Variants in OBSL1 observed in about 807,000 individuals in gnomAD.
OBSL1 encodes the protein obscurin like cytoskeletal adaptor 1.
In OBSL1, 160 loss-of-function variants were observed where a neutral mutation model predicts 172.0. That is an observed-to-expected ratio of 0.93 (90% CI 0.82 to 1.06). The LOEUF is 1.06. Ranked by LOEUF, OBSL1 falls within the 50% of genes least tolerant of loss-of-function variation. OBSL1 has a pLI of 0.00. For synonymous variants in OBSL1, 1,200 were observed against 1,196.3 expected (o/e 1.00, Z -0.06); for missense variants, 2,681 against 2,715.4 (o/e 0.99, Z 0.28).
At position 219,552,573 on chromosome 2, in the gene OBSL1, C is replaced by T; in HGVS notation, c.5271G>A (p.Pro1757=). Residue 1757 remains proline, a synonymous_variant, in exon 18 of 21, where the codon CCG becomes CCA. Transcript: ENST00000404537. ...TGCGGACGCGGGCTCCGGGTCTCAGCGGGCGGCCTCCGAGCTCCCAGCGCC... is the reference window on the plus strand; with the variant it reads ...TGCGGACGCGGGCTCCGGGTCTCAGTGGGCGGCCTCCGAGCTCCCAGCGCC... The part of the protein sequence containing the change: ...TTGRWELGGR[P]LRPGARVRIR... 1 of 1,594,376 alleles carries T rather than the reference C, an allele frequency of 6.3e-7. No homozygotes were observed. The highest frequency in any genetic ancestry group is 8.5e-7 in the Non-Finnish European group (1 of 1,176,778).
rs550570421 is a variant in OBSL1 at position 219,552,351 on chromosome 2, G to A, written c.5309-135C>T. On this transcript the variant is annotated intron_variant, in intron 18 of 20. Transcript: ENST00000404537. Reference sequence around the variant, plus strand: ...GCTAGGGTGGGCGGAACAGGGATGCGGAGCGGGAAGCCTAGAGGTCCGGGA... The same window carrying A: ...GCTAGGGTGGGCGGAACAGGGATGCAGAGCGGGAAGCCTAGAGGTCCGGGA... 6 of 927,600 alleles carry A rather than the reference G, an allele frequency of 6.5e-6. 1 individual carries two copies. In the South Asian group the frequency reaches 9.8e-5, roughly 15 times the overall value. The allele number at this position is 927,600 out of a possible 1,614,324, so 57.5% of individuals were successfully genotyped here.
At chr2:219,549,293 A>AT (rs201375211), downstream of OBSL1, 1 of 1,613,370 alleles carries the variant, frequency 6.2e-7, no homozygotes, top group Non-Finnish European at 8.5e-7. Context: ...GGGCCACCAG[A>AT]CCCTGCTTAT....
In OBSL1 at chr2:219,562,617, A is replaced by G; in HGVS notation, c.2738T>C (p.Leu913Pro). The change falls in exon 8 of 21, where the codon CTG becomes CCG. Residue 913 changes from leucine to proline, a missense_variant. Leu to Pro is a moderately conservative substitution (Grantham distance 98). Around this residue, in one of 5 missense-constraint regions of OBSL1, gnomAD observed 1,765 missense variants for 1,748.3 expected, o/e 1.01. Transcript: ENST00000404537. Reference sequence around the variant, plus strand: ...CTCACAGGTCAGCACCACACGCTCCAGGCGCACGGCTGCCACATACACCTT... The same window carrying G: ...CTCACAGGTCAGCACCACACGCTCCGGGCGCACGGCTGCCACATACACCTT... Reference protein sequence around the residue: ...SGKVYVAAVRLERVVLTCELC... With the variant: ...SGKVYVAAVRPERVVLTCELC... The G allele has an allele frequency of 1.3e-6, 2 of 1,598,424 alleles. No individual in the cohort carries two copies. Among genetic ancestry groups the G allele is most frequent in the East Asian group, 2.3e-5 (1 of 44,060 alleles).
In OBSL1 at chr2:219,557,943, C is replaced by G. The variant is rs1412249802; in HGVS notation, c.3670G>C (p.Glu1224Gln). ...QEGEGLELHA[E>Q]GPRRVLCIQA... Reference sequence around the variant, plus strand: ...ATGCAGAGGACTCGGCGGGGGCCCTCGGCATGGAGCTCTAGGCCCTCGCCC... The same window carrying G: ...ATGCAGAGGACTCGGCGGGGGCCCTGGGCATGGAGCTCTAGGCCCTCGCCC... The change falls in exon 11 of 21, where the codon GAG becomes CAG. Residue 1224 changes from glutamate (E) to glutamine (Q), a missense_variant. By Grantham distance (29) the Glu-to-Gln change is conservative (BLOSUM62 2). Around this residue, in one of 5 missense-constraint regions of OBSL1, gnomAD observed 1,765 missense variants for 1,748.3 expected, o/e 1.01. Transcript: ENST00000404537. The G allele has an allele frequency of 3.1e-6, 5 of 1,605,470 alleles. No individual in the cohort carries two copies. The highest frequency in any genetic ancestry group is 2.7e-5 in the African/African-American group (2 of 74,996).
downstream of OBSL1, chr2:219,549,762 A>G (rs1383712491): frequency 1.9e-6 from 3 of 1,614,006 alleles, no homozygotes; most frequent in South Asian, 3.3e-5. Context: ...GAGCTCCCTG[A>G]GCTCCTTCAT....
rs974837836 is a variant in OBSL1 at position 219,552,618 on chromosome 2, C to A, written c.5226G>T (p.Val1742=). The change falls in exon 18 of 21, where the codon GTG becomes GTT. Residue 1742 remains valine, a synonymous_variant. Transcript: ENST00000404537. ...EGDGATFECT[V]SEVETTGRWE... is the part of the protein sequence containing the mutation. ...AGCGCCCCGTGGTCTCGACCTCCGA[C>A]ACGGTGCACTCGAACGTAGCGCCGT... 3.8e-6 allele frequency: 6 copies of A among 1,572,514 alleles called. No homozygotes were observed. Among genetic ancestry groups the A allele is most frequent in the African/African-American group, 1.3e-5 (1 of 74,348 alleles).
intron 12 of OBSL1, 34 bp downstream of exon 12, chr2:219,557,309 C>T: frequency 1.4e-6 from 2 of 1,438,554 alleles, no homozygotes; most frequent in Non-Finnish European, 9.1e-7. Flanking sequence ...CTTGGGGTGC[C>T]ACAGCCCACA....
rs1472477099 is a variant in OBSL1, at chr2:219,570,259, G to A, written c.974C>T (p.Ala325Val). The change falls in exon 1 of 21, where the codon GCG becomes GTG. Residue 325 changes from alanine (A) to valine (V), a missense_variant. By Grantham distance (64) the Ala-to-Val change is moderately conservative (BLOSUM62 0). Around this residue, in one of 5 missense-constraint regions of OBSL1, gnomAD observed 706 missense variants for 695.8 expected, o/e 1.01. Transcript: ENST00000404537. ...GLYVCAARNSAGQTLSAVQLH... is the reference protein window; with the variant it reads ...GLYVCAARNSVGQTLSAVQLH... ...CTGCACGGCACTGAGCGTCTGGCCC[G>A]CCGAGTTGCGCGCGGCGCAGACGTA... is the stretch of plus-strand genomic sequence containing the variant. 2.5e-6 allele frequency: 4 copies of A among 1,591,666 alleles called. No individual in the cohort carries two copies. The highest frequency in any genetic ancestry group is 1.3e-5 in the African/African-American group (1 of 74,468).
chr2:219,563,713 G>A, intron 6 of OBSL1, 86 bp from the exon 7 acceptor site: 1 of 1,443,026 alleles, frequency 6.9e-7, no homozygotes, highest in South Asian at 1.3e-5. Context: ...CACTGTTTCT[G>A]CACAAGAGGA....
intron 1 of OBSL1, among the ~76,000 whole-genome samples, 165 bp downstream of exon 1, chr2:219,570,056 C>T (rs1330846030): frequency 1.3e-5 from 2 of 152,172 alleles, no homozygotes; most frequent in African/African-American, 2.4e-5. Flanking sequence ...CTACTAAATC[C>T]GAATCCCTGG....
chr2:219,563,595 G>A lies in OBSL1; in HGVS notation c.2440C>T (p.His814Tyr). 1 of 1,613,604 alleles carries A rather than the reference G, an allele frequency of 6.2e-7. No individual in the cohort carries two copies. The highest frequency in any genetic ancestry group is 8.5e-7 in the Non-Finnish European group (1 of 1,179,734). ...PPVHIVDPRE[H>Y]VFVHAITSEC... ...GAAGTTATGGCATGCACGAACACAT[G>A]TTCTCGGGGGTCCACGATGTGCACG... The change falls in exon 7 of 21, where the codon CAT becomes TAT. Residue 814 changes from histidine (H) to tyrosine (Y), a missense_variant. His to Tyr is a moderately conservative substitution (Grantham distance 83). Coordinates refer to ENST00000404537, the MANE Select transcript of OBSL1 (RefSeq NM_015311.3).
chr2:219,548,095 G>A, downstream of OBSL1: 2 of 1,519,272 alleles, frequency 1.3e-6, no homozygotes, highest in Non-Finnish European at 1.8e-6. Flanking sequence ...AGGGGGCACA[G>A]GCCAAGGTGG....
chr2:219,554,341 AG>A, intron 15 of OBSL1, 132 bp downstream of exon 15: 1 of 1,083,452 alleles, frequency 9.2e-7, no homozygotes, highest in South Asian at 1.4e-5. Flanking sequence ...ACACTCTGGC[AG>A]GGATGTCAAT....
rs764007374 is a variant in OBSL1, at chr2:219,570,269, G to C, written c.964C>G (p.Arg322Gly). 12 of 1,599,556 alleles carry C rather than the reference G, an allele frequency of 7.5e-6. No homozygotes were observed. Among genetic ancestry groups the C allele is most frequent in the South Asian group, 5.6e-5 (5 of 89,902 alleles). Residue 322 changes from arginine to glycine, a missense_variant, in exon 1 of 21, where the codon CGC becomes GGC. Around this residue, in one of 5 missense-constraint regions of OBSL1, gnomAD observed 706 missense variants for 695.8 expected, o/e 1.01. Transcript: ENST00000404537. The part of the protein sequence containing the change: ...KDRGLYVCAA[R>G]NSAGQTLSAV... ...CTGAGCGTCTGGCCCGCCGAGTTGC[G>C]CGCGGCGCAGACGTAGAGCCCACGA... is the stretch of plus-strand genomic sequence containing the variant.
intron 8 of OBSL1, among the ~76,000 whole-genome samples, chr2:219,560,132 G>A (rs985709212): frequency 6.6e-6 from 1 of 152,150 alleles, no homozygotes; most frequent in Non-Finnish European, 1.5e-5. Flanking sequence ...TAACTCTCAC[G>A]GCAATCCTAA....
downstream of OBSL1, among the ~76,000 whole-genome samples, chr2:219,548,791 C>T (rs148758348): frequency 8.8e-3 from 1,335 of 152,134 alleles, 15 homozygotes; most frequent in Admixed American, 0.018. Flanking sequence ...ATTCTGCTGC[C>T]GAGTGTAGAA....
chr2:219,562,509 T>TCCTTC lies in OBSL1; in HGVS notation c.2841_2845dup (p.Glu949GlyfsTer51). The TCCTTC allele has an allele frequency of 6.2e-7, 1 of 1,613,992 alleles. No individual in the cohort carries two copies. The highest frequency in any genetic ancestry group is 8.5e-7 in the Non-Finnish European group (1 of 1,179,868). On this transcript the variant is annotated frameshift_variant, in exon 8 of 21. Transcript: ENST00000404537. LOFTEE classifies it high-confidence loss of function. ...CAGCACCAGGCGGCGGACAGTGTCT[T>TCCTTC]CCTTCTGCAGGAGCAGCGCGGGGCT...
chr2:219,562,477 C>G lies in OBSL1; in HGVS notation c.2878G>C (p.Val960Leu), dbSNP rs1259632645. The change falls in exon 8 of 21, where the codon GTC (valine) becomes CTC (leucine). Residue 960 changes from valine (V) to leucine (L), a missense_variant. Val to Leu is a conservative substitution (Grantham distance 32, BLOSUM62 1). This residue lies in a region of OBSL1 where 1,765 missense variants were observed against 1,748.3 expected (regional missense o/e 1.01). Coordinates refer to ENST00000404537, the MANE Select transcript of OBSL1 (RefSeq NM_015311.3). ...TACTCGCCGGAGTCCTCGAGCTGGA[C>G]AGCGGGCAGCACCAGGCGGCGGACA... Reference protein sequence around the residue: ...DTVRRLVLPAVQLEDSGEYLC... With the variant: ...DTVRRLVLPALQLEDSGEYLC... 3 of 1,614,038 alleles carry G rather than the reference C, an allele frequency of 1.9e-6. No homozygotes were observed. The East Asian group carries it at 6.7e-5, about 36-fold the overall frequency.
chr2:219,570,175 C>T, intron 1 of OBSL1, 46 bp downstream of exon 1: 2 of 1,458,482 alleles, frequency 1.4e-6, no homozygotes, highest in Non-Finnish European at 1.8e-6. Flanking sequence ...CGGAGGGCCT[C>T]GGAGGACACT....
Sources: allele counts gnomAD v4.1 joint callset (sites outside exome capture counted in the v4.1 genomes callset), GRCh38; gene constraint gnomAD v4.1.1; regional missense constraint gnomAD v4.1.1; transcripts MANE v1.5; gene names NCBI Gene and HGNC (gene_info 2026-07-23, HGNC 2026-07-21).